Variants in MX1 observed in about 807,000 individuals in gnomAD.
MX1 encodes interferon-induced GTP-binding protein Mx1.
Under a neutral mutation model 66.4 loss-of-function variants are expected in MX1, and 66 were observed. That is an observed-to-expected ratio of 0.99 (90% CI 0.82 to 1.22). MX1 has a LOEUF of 1.22. Ranked by LOEUF, MX1 falls within the 50% of genes most tolerant of loss-of-function variation. The pLI is 0.00. For synonymous variants in MX1, 311 were observed against 318.1 expected, an observed-to-expected ratio of 0.98 and a Z score of 0.24; for missense variants, 787 against 834.3, an observed-to-expected ratio of 0.94 and a Z score of 0.70.
In MX1 at chr21:41,441,860, T is replaced by G. The variant is rs2090525043; in HGVS notation, c.875T>G (p.Leu292Arg). The change falls in exon 10 of 17, where the codon CTG (leucine) becomes CGG (arginine). Residue 292 changes from leucine to arginine, a missense_variant. Coordinates refer to ENST00000398598, the MANE Select transcript of MX1 (RefSeq NM_002462.5). The surrounding 1 kb of genome is among the most constrained non-coding windows in gnomAD (Gnocchi z 4.0). ...CAGGAGATCCAGGACCAGCTGAGCC[T>G]GTCCGAAGCCCTGCAGAGAGAGAAG... ...GQQEIQDQLS[L>R]SEALQREKIF... The G allele has an allele frequency of 3.1e-6, 5 of 1,614,088 alleles. No individual in the cohort carries two copies. Among genetic ancestry groups the G allele is most frequent in the Non-Finnish European group, 4.2e-6 (5 of 1,180,048 alleles).
chr21:41,442,028 T>TGTGCGAG, intron 10 of MX1, 114 bp downstream of exon 10: 1 of 865,800 alleles, frequency 1.2e-6, no homozygotes, highest in African/African-American at 1.8e-5. Context: ...TGTGTGTGCG[T>TGTGCGAG]GTGTGTGTGT....
At chr21:41,430,993 A>G (rs188462614) in intron 4 of MX1, among the ~76,000 whole-genome samples, 17 of 152,346 alleles carry the variant, frequency 1.1e-4, no homozygotes, top group South Asian at 4.1e-4. Flanking sequence ...AAACAGTTCT[A>G]TAACAATTTT....
chr21:41,443,231 A>G (rs746231690), intron 10 of MX1, among the ~76,000 whole-genome samples: 1 of 152,228 alleles, frequency 6.6e-6, no homozygotes, highest in Non-Finnish European at 1.5e-5. Context: ...ATGTCCTATA[A>G]AATGTGGGAA....
At chr21:41,437,486 AT>A (rs929973955) in intron 7 of MX1, among the ~76,000 whole-genome samples, 1 of 148,228 alleles carries the variant, frequency 6.7e-6, no homozygotes, top group Non-Finnish European at 1.5e-5. Context: ...AAAAAAAAAA[AT>A]TAAAATAGCT....
At chr21:41,458,467 G>T in intron 16 of MX1, 61 bp from the exon 17 acceptor site, 1 of 1,179,734 alleles carries the variant, frequency 8.5e-7, no homozygotes, top group Non-Finnish European at 1.1e-6. Context: ...ACATGGTGAG[G>T]TCAGAGTCCC....
At position 41,435,819 on chromosome 21, in the gene MX1, C is replaced by T; in HGVS notation, c.106-18C>T. 1 of 1,594,450 alleles carries T rather than the reference C, an allele frequency of 6.3e-7. No homozygotes were observed. Among genetic ancestry groups the T allele is most frequent in the African/African-American group, 1.3e-5 (1 of 74,606 alleles). ...GATTTGCAGGCCATGAAGAATTCTC[C>T]ATTTTTGTTTCCTCCAGGTGGCTGA... On this transcript the variant is annotated intron_variant, in intron 5 of 16. Transcript: ENST00000398598.
intron 5 of MX1, 78 bp from the exon 6 acceptor site, chr21:41,435,759 G>C: frequency 6.8e-7 from 1 of 1,471,400 alleles, no homozygotes; most frequent in Non-Finnish European, 9.3e-7. Flanking sequence ...ATGAGATTTG[G>C]GTAGGGACAC....
intron 16 of MX1, among the ~76,000 whole-genome samples, chr21:41,457,076 A>G (rs2090978088): frequency 6.6e-6 from 1 of 152,086 alleles, no homozygotes; most frequent in South Asian, 2.1e-4. Flanking sequence ...GGGTTTTTTG[A>G]CAGCCTAATA....
At chr21:41,423,772 T>A (rs1386631320), upstream of MX1, among the ~76,000 whole-genome samples, 2 of 152,190 alleles carry the variant, frequency 1.3e-5, no homozygotes, top group Admixed American at 1.3e-4. Flanking sequence ...CCATATCATA[T>A]GCATATTAGA....
In MX1 at chr21:41,435,924, G is replaced by A. The variant is rs769280504; in HGVS notation, c.193G>A (p.Glu65Lys). ...TGACTCCCTGCGGGCTCTAGGTGTG[G>A]AGCAGGACCTGGCCCTGCCAGCCAT... is the stretch of plus-strand genomic sequence containing the variant. ...LIDSLRALGVEQDLALPAIAV... is the reference protein window; with the variant it reads ...LIDSLRALGVKQDLALPAIAV... The change falls in exon 6 of 17, where the codon GAG (glutamate) becomes AAG (lysine). Residue 65 changes from glutamate to lysine, a missense_variant. Physicochemically the swap from Glu to Lys is moderately conservative, Grantham distance 56. Coordinates refer to ENST00000398598, the MANE Select transcript of MX1 (RefSeq NM_002462.5). The A allele has an allele frequency of 6.2e-7, 1 of 1,614,082 alleles. No individual in the cohort carries two copies. Among genetic ancestry groups the A allele is most frequent in the African/African-American group, 1.3e-5 (1 of 74,926 alleles).
At chr21:41,433,313 G>A (rs2090273592) in intron 5 of MX1, among the ~76,000 whole-genome samples, 1 of 152,226 alleles carries the variant, frequency 6.6e-6, no homozygotes, top group African/African-American at 2.4e-5. Context: ...CTGTGTGCTG[G>A]AGTTTGAGGA....
chr21:41,445,612 A>T, intron 12 of MX1, 42 bp downstream of exon 12: 1 of 1,612,042 alleles, frequency 6.2e-7, no homozygotes, highest in Non-Finnish European at 8.5e-7. Flanking sequence ...AGCACATGTC[A>T]TGGTCAAAAA....
chr21:41,426,695 T>C (rs1601458701), intron 1 of MX1: 1 of 152,254 alleles, frequency 6.6e-6, no homozygotes, highest in East Asian at 1.9e-4. Context: ...GACTTCTATT[T>C]CCTGGGAACG....
chr21:41,455,081 T>C (rs994710160), intron 16 of MX1, among the ~76,000 whole-genome samples: 1 of 152,096 alleles, frequency 6.6e-6, no homozygotes, highest in Admixed American at 6.5e-5. Context: ...AGCTATTTTT[T>C]CTATTTTTAG....
Position 41,452,706 on chromosome 21 carries a change from A to C in MX1, c.1595A>C (p.Tyr532Ser). 6.2e-7 allele frequency: 1 copy of C among 1,614,200 alleles called. No homozygotes were observed. Among genetic ancestry groups the C allele is most frequent in the Non-Finnish European group, 8.5e-7 (1 of 1,180,018 alleles). The change falls in exon 16 of 17, where the codon TAC becomes TCC. Residue 532 changes from tyrosine (Y) to serine (S), a missense_variant. Transcript: ENST00000398598. ...CACTTCCAGATGGAACAGATTGTCT[A>C]CTGCCAGGACCAGGTATACAGGGGT... is the stretch of plus-strand genomic sequence containing the variant. ...RLHFQMEQIVYCQDQVYRGAL... is the reference protein window; with the variant it reads ...RLHFQMEQIVSCQDQVYRGAL...
In MX1 at chr21:41,432,218, A is replaced by G. The variant is rs776556677; in HGVS notation, c.105+43A>G. On this transcript the variant is annotated intron_variant, in intron 5 of 16. Coordinates refer to ENST00000398598, the MANE Select transcript of MX1 (RefSeq NM_002462.5). ...AGTCGCTATCCATGTGACATGAGCC[A>G]TGCCCATTCGAGGCTGCCCTTTTCT... The G allele has an allele frequency of 5.1e-6, 8 of 1,582,132 alleles. No individual in the cohort carries two copies. In the South Asian group the frequency reaches 7.7e-5, roughly 15 times the overall value.
intron 6 of MX1, 103 bp downstream of exon 6, chr21:41,436,132 G>A: frequency 1.5e-6 from 2 of 1,358,760 alleles, no homozygotes; most frequent in Non-Finnish European, 2.0e-6. Flanking sequence ...CAGTTCTGGA[G>A]ACTGGAAGTC....
chr21:41,430,979 T>C (rs1003466342), intron 4 of MX1, among the ~76,000 whole-genome samples: 1 of 152,218 alleles, frequency 6.6e-6, no homozygotes, highest in Non-Finnish European at 1.5e-5. Context: ...CTTGGCTACA[T>C]TGGAAACAGT....
At position 41,446,135 on chromosome 21, in the gene MX1, C is replaced by A. The variant is rs140505788; in HGVS notation, c.1267C>A (p.Gln423Lys). Residue 423 changes from glutamine (Q) to lysine (K), a missense_variant, in exon 13 of 17, where the codon CAA becomes AAA. By Grantham distance (53) the Gln-to-Lys change is moderately conservative (BLOSUM62 1). Transcript: ENST00000398598. ...GAGTACAATAATTGAAAACAATTTT[C>A]AAGAAGGTGAGTGTCTTAGTCCCTT... ...KWSTIIENNFQEGHKILSRKI... is the reference protein window; with the variant it reads ...KWSTIIENNFKEGHKILSRKI... 1.9e-5 allele frequency: 31 copies of A among 1,613,566 alleles called. No individual in the cohort carries two copies. The African/African-American group carries it at 2.5e-4, about 13-fold the overall frequency.
Sources: allele counts gnomAD v4.1 joint callset (sites outside exome capture counted in the v4.1 genomes callset), GRCh38; gene constraint gnomAD v4.1.1; non-coding constraint Gnocchi (gnomAD v3.1); transcripts MANE v1.5; gene names NCBI Gene and HGNC (gene_info 2026-07-23, HGNC 2026-07-21).